CPED1: variants seen among roughly 807,000 people sequenced by gnomAD.
CPED1 encodes the protein cadherin like and PC-esterase domain containing 1, also known as cadherin-like and PC-esterase domain-containing protein 1.
Under a neutral mutation model 128.2 loss-of-function variants are expected in CPED1, and 114 were observed. The ratio of observed to expected loss-of-function variants is 0.89; its 90% CI spans 0.76 to 1.04. The LOEUF (loss-of-function observed/expected upper bound fraction) is 1.04. Ranked by LOEUF, CPED1 falls within the 50% of genes least tolerant of loss-of-function variation. CPED1 has a pLI of 0.00. For synonymous variants in CPED1, 462 were observed against 426.7 expected, an observed-to-expected ratio of 1.08 and a Z score of -1.02; for missense variants, 1,211 against 1,207.1, an observed-to-expected ratio of 1.00 and a Z score of -0.05.
At chr7:121,132,970 G>A (rs186474813) in intron 12 of CPED1, among the ~76,000 whole-genome samples, 11 of 152,154 alleles carry the variant, frequency 7.2e-5, no homozygotes, top group African/African-American at 2.4e-4. Context: ...AGCTGAATAT[G>A]TCATATTCAT....
chr7:121,066,305 C>G (rs1793829485), intron 5 of CPED1, among the ~76,000 whole-genome samples: 1 of 151,908 alleles, frequency 6.6e-6, no homozygotes, highest in South Asian at 2.1e-4. Flanking sequence ...TGTGTGACTT[C>G]AGGGGTTTTT....
At chr7:121,001,908 G>A (rs985173613) in intron 2 of CPED1, among the ~76,000 whole-genome samples, 2 of 151,894 alleles carry the variant, frequency 1.3e-5, no homozygotes, top group African/African-American at 4.8e-5. Context: ...AAAAGACAGA[G>A]GAATATATAT....
chr7:121,074,191 T>G (rs892162957), intron 5 of CPED1, among the ~76,000 whole-genome samples: 3 of 151,836 alleles, frequency 2.0e-5, no homozygotes, highest in South Asian at 2.1e-4. Context: ...TGGGGTTCTG[T>G]GTGATCAGGG....
At chr7:121,199,244 C>T (rs1183186786) in intron 16 of CPED1, among the ~76,000 whole-genome samples, 2 of 152,042 alleles carry the variant, frequency 1.3e-5, no homozygotes, top group Non-Finnish European at 2.9e-5. Context: ...ACAGTCCACA[C>T]ATGGGGTATA....
At chr7:121,215,863 C>A (rs1467027156) in intron 16 of CPED1, among the ~76,000 whole-genome samples, 2 of 151,706 alleles carry the variant, frequency 1.3e-5, no homozygotes, top group African/African-American at 4.8e-5. Context: ...AAGCTTTTGG[C>A]CAAGCAAGTA....
At chr7:121,133,756 T>G in intron 12 of CPED1, 67 bp from the exon 13 acceptor site, 1 of 1,029,676 alleles carries the variant, frequency 9.7e-7, no homozygotes, top group Non-Finnish European at 1.5e-6. Flanking sequence ...AGATAGTGTG[T>G]TAGATGTAAT....
At chr7:121,160,737 A>ACAGT (rs1447431305) in intron 16 of CPED1, among the ~76,000 whole-genome samples, 2 of 152,172 alleles carry the variant, frequency 1.3e-5, no homozygotes, top group East Asian at 3.9e-4. Context: ...GTCCCAGGCC[A>ACAGT]CAGTCCCCAG....
At chr7:121,111,979 G>A (rs1403596652) in intron 7 of CPED1, among the ~76,000 whole-genome samples, 1 of 152,128 alleles carries the variant, frequency 6.6e-6, no homozygotes, top group Non-Finnish European at 1.5e-5. Flanking sequence ...AGCGAGGCTG[G>A]GTAGTCTAGC....
intron 2 of CPED1, among the ~76,000 whole-genome samples, chr7:121,000,915 T>C (rs1791834962): frequency 1.3e-5 from 2 of 152,116 alleles, no homozygotes; most frequent in South Asian, 4.1e-4. Flanking sequence ...GGGAACTGAA[T>C]AAAAATCATA....
intron 4 of CPED1, among the ~76,000 whole-genome samples, chr7:121,047,772 G>A (rs112715814): frequency 7.0e-4 from 103 of 148,088 alleles, no homozygotes; most frequent in African/African-American, 2.4e-3. Flanking sequence ...GTGCAGTGGC[G>A]CGATCTCGGC....
chr7:121,055,581 T>C (rs564443806), intron 4 of CPED1, among the ~76,000 whole-genome samples: 60 of 148,038 alleles, frequency 4.1e-4, no homozygotes, highest in African/African-American at 1.5e-3. Context: ...TGTAAAAATA[T>C]AGATATAATA....
chr7:121,170,884 C>A (rs1796636869), intron 16 of CPED1, among the ~76,000 whole-genome samples: 1 of 151,932 alleles, frequency 6.6e-6, no homozygotes, highest in South Asian at 2.1e-4. Context: ...AACCTCATCT[C>A]TACTAAAAAT....
At chr7:121,128,037 T>G (rs1795552703) in intron 10 of CPED1, among the ~76,000 whole-genome samples, 1 of 152,186 alleles carries the variant, frequency 6.6e-6, no homozygotes, top group Non-Finnish European at 1.5e-5. Context: ...GCTATTTTTT[T>G]TTAAGCATTC....
At chr7:121,178,194 G>T (rs1478446003) in intron 16 of CPED1, among the ~76,000 whole-genome samples, 1 of 152,040 alleles carries the variant, frequency 6.6e-6, no homozygotes, top group Non-Finnish European at 1.5e-5. Flanking sequence ...GAGGAGAAAT[G>T]ACAGTAAGGA....
chr7:121,134,760 G>A lies in CPED1; in HGVS notation c.1648+867G>A, dbSNP rs145303475. Among the ~76,000 whole-genome samples, 569 of 152,102 alleles carry A rather than the reference G, an allele frequency of 3.7e-3. 2 individuals are homozygous for A. Among genetic ancestry groups the A allele is most frequent in the African/African-American group, 0.013 (524 of 41,520 alleles). ...AAAAGATAGTAAAGTTGGAGAGAGT[G>A]TATGGAAATCAGTATTCTCATAGTG... On this transcript the variant is annotated intron_variant, in intron 13 of 22. Transcript: ENST00000310396.
chr7:121,253,066 T>C (rs372921549), intron 18 of CPED1, among the ~76,000 whole-genome samples: 5,948 of 152,060 alleles, frequency 0.039, 379 homozygotes, highest in African/African-American at 0.14. Flanking sequence ...CCAAGCCAAA[T>C]GTCCAACAAT....
At chr7:121,069,442 A>G (rs1244662824) in intron 5 of CPED1, among the ~76,000 whole-genome samples, 1 of 152,072 alleles carries the variant, frequency 6.6e-6, no homozygotes, top group Non-Finnish European at 1.5e-5. Flanking sequence ...AAGAAAGGAG[A>G]GATGATCATG....
intron 3 of CPED1, among the ~76,000 whole-genome samples, chr7:121,034,874 A>G (rs997474020): frequency 5.3e-5 from 8 of 152,224 alleles, no homozygotes; most frequent in African/African-American, 1.2e-4. Context: ...TTTAAATGTA[A>G]TATCAGGTAA....
At chr7:121,199,513 C>G (rs1797340849) in intron 16 of CPED1, among the ~76,000 whole-genome samples, 1 of 151,232 alleles carries the variant, frequency 6.6e-6, no homozygotes, top group African/African-American at 2.4e-5. Context: ...CCTGTCTCTA[C>G]TAAGAATACA....
Sources: allele counts gnomAD v4.1 joint callset (sites outside exome capture counted in the v4.1 genomes callset), GRCh38; gene constraint gnomAD v4.1.1; transcripts MANE v1.5; gene names NCBI Gene and HGNC (gene_info 2026-07-23, HGNC 2026-07-21).